CTBP2: variants seen among roughly 807,000 people sequenced by gnomAD.
CTBP2 encodes the protein C-terminal binding protein 2, also known as C-terminal-binding protein 2.
CTBP2 carries 30 observed loss-of-function variants against 80.3 expected under a neutral mutation model. The ratio of observed to expected loss-of-function variants is 0.37; its 90% CI spans 0.28 to 0.51. The LOEUF is 0.51. Ranked by LOEUF, CTBP2 falls within the 20% of genes least tolerant of loss-of-function variation. CTBP2 has a pLI of 0.93. For synonymous variants in CTBP2, 594 were observed against 587.4 expected (o/e 1.01, Z -0.16); for missense variants, 1,212 against 1,375.3 (o/e 0.88, Z 1.88).
Position 124,989,605 on chromosome 10 carries a change from G to A in CTBP2, c.2871C>T (p.Leu957=). 6.2e-7 allele frequency: 1 copy of A among 1,613,162 alleles called. No individual in the cohort carries two copies. Among genetic ancestry groups the A allele is most frequent in the Non-Finnish European group, 8.5e-7 (1 of 1,179,652 alleles). Residue 957 remains leucine (L), a synonymous_variant, in exon 9 of 9, where the codon CTC becomes CTT. Coordinates refer to ENST00000309035, the MANE Select transcript of CTBP2 (RefSeq NM_022802.3). ...CTTGGGAAGGATGTGCCACTGTCGG[G>A]AGGTTGTGAGTCACTGGGATGCCTC...
At chr10:125,092,793 T>C (rs560580921) in intron 2 of CTBP2, among the ~76,000 whole-genome samples, 1 of 152,228 alleles carries the variant, frequency 6.6e-6, no homozygotes, top group South Asian at 2.1e-4. Flanking sequence ...GGGCACTGGC[T>C]TACGTTTAGG....
In CTBP2 at chr10:125,120,167, G is replaced by C. The variant is rs529728613; in HGVS notation, c.-205-9074C>G. On this transcript the variant is annotated intron_variant, in intron 1 of 10. Coordinates refer to the CTBP2 transcript ENST00000337195. Reference sequence around the variant, plus strand: ...GATCTAGGACCCCGACTGATGCCGGGAAAGAGGCACAGCCAAAGCCTTGTC... The same window carrying C: ...GATCTAGGACCCCGACTGATGCCGGCAAAGAGGCACAGCCAAAGCCTTGTC... 2.0e-5 allele frequency among the ~76,000 whole-genome samples: 3 copies of C among 152,326 alleles called. No homozygotes were observed. In the East Asian group the frequency reaches 5.8e-4, roughly 29 times the overall value.
At chr10:125,030,339 A>G (rs751903330), upstream of CTBP2, among the ~76,000 whole-genome samples, 4 of 152,234 alleles carry the variant, frequency 2.6e-5, no homozygotes, top group Non-Finnish European at 4.4e-5. Flanking sequence ...TGTGTAACAT[A>G]GCTGTGTCGG....
At chr10:125,006,760 C>T (rs1455999151) in intron 1 of CTBP2, among the ~76,000 whole-genome samples, 1 of 152,234 alleles carries the variant, frequency 6.6e-6, no homozygotes, top group Admixed American at 6.5e-5. Flanking sequence ...GAACACGACC[C>T]TTTCAGGGAC....
intron 1 of CTBP2, among the ~76,000 whole-genome samples, chr10:125,142,835 C>T (rs577467125): frequency 3.6e-4 from 55 of 152,252 alleles, no homozygotes; most frequent in African/African-American, 1.3e-3. Flanking sequence ...AGCACATGCT[C>T]GCAGAGGCTG....
intron 1 of CTBP2, among the ~76,000 whole-genome samples, chr10:125,121,482 T>G (rs1408945376): frequency 1.3e-5 from 2 of 152,184 alleles, no homozygotes; most frequent in Non-Finnish European, 2.9e-5. Context: ...ATCCTTGCTG[T>G]GGAATGGAGC....
chr10:125,090,352 AATGT>A (rs1355855561), intron 2 of CTBP2, among the ~76,000 whole-genome samples: 2 of 148,834 alleles, frequency 1.3e-5, no homozygotes, highest in East Asian at 3.9e-4. Flanking sequence ...AAATGCAAAG[AATGT>A]ATCATAACTG....
intron 2 of CTBP2, among the ~76,000 whole-genome samples, chr10:125,108,179 G>T (rs117159161): frequency 2.0e-5 from 3 of 152,316 alleles, no homozygotes; most frequent in Admixed American, 2.0e-4. Context: ...AATTTAGCAC[G>T]TCACTATTCA....
intron 1 of CTBP2, among the ~76,000 whole-genome samples, chr10:125,159,637 C>T (rs1861595796): frequency 6.6e-6 from 1 of 150,388 alleles, no homozygotes; most frequent in South Asian, 2.1e-4. Context: ...GATCCCCCGC[C>T]GGCAGGGGCA....
At chr10:125,017,606 G>T (rs1331619799) in intron 1 of CTBP2, among the ~76,000 whole-genome samples, 1 of 152,196 alleles carries the variant, frequency 6.6e-6, no homozygotes, top group Non-Finnish European at 1.5e-5. Context: ...TATGACCAAA[G>T]AACATTTTAC....
chr10:125,081,162 AC>A lies in CTBP2; in HGVS notation c.-102+29827del, dbSNP rs1847117600. ...CCAATCAGGAAAAAACACAGGACAA[AC>A]TGAACTGAGGGCCATTCTACAAAAT... On this transcript the variant is annotated intron_variant, in intron 2 of 10. Transcript: ENST00000337195. Among the ~76,000 whole-genome samples, 3 of 152,312 alleles carry A rather than the reference AC, an allele frequency of 2.0e-5. No individual in the cohort carries two copies. The South Asian group carries it at 6.2e-4, about 32-fold the overall frequency.
At chr10:125,159,226 G>T (rs151071762) in intron 1 of CTBP2, among the ~76,000 whole-genome samples, 6,430 of 150,660 alleles carry the variant, frequency 0.043, 461 homozygotes, top group African/African-American at 0.15. Context: ...GGTCCCTGCC[G>T]CCCGGGGCGC....
intron 1 of CTBP2, among the ~76,000 whole-genome samples, chr10:125,117,287 G>A (rs1158431078): frequency 6.6e-6 from 1 of 152,162 alleles, no homozygotes; most frequent in Non-Finnish European, 1.5e-5. Context: ...AGTCCTGGGG[G>A]CTGCTGGGGG....
intron 1 of CTBP2, among the ~76,000 whole-genome samples, chr10:125,132,157 CCAATT>C (rs773182354): frequency 1.3e-5 from 2 of 152,174 alleles, no homozygotes; most frequent in Non-Finnish European, 2.9e-5. Flanking sequence ...ATTTCGTTGA[CCAATT>C]CAAAAGTCCA....
chr10:124,992,861 T>C, intron 7 of CTBP2, 49 bp from the exon 10 acceptor site: 1 of 1,410,242 alleles, frequency 7.1e-7, no homozygotes, highest in Non-Finnish European at 9.9e-7. Context: ...CAAATCACAG[T>C]AAGTTCAACA....
intron 1 of CTBP2, among the ~76,000 whole-genome samples, chr10:125,128,527 G>A (rs766961364): frequency 6.6e-6 from 1 of 152,164 alleles, no homozygotes; most frequent in East Asian, 1.9e-4. Flanking sequence ...CAGAGCATGT[G>A]AACTCCACAG....
At chr10:125,102,378 T>C (rs1850767190) in intron 2 of CTBP2, among the ~76,000 whole-genome samples, 1 of 152,240 alleles carries the variant, frequency 6.6e-6, no homozygotes, top group Non-Finnish European at 1.5e-5. Flanking sequence ...GTGACTGTTA[T>C]GATGCAATTC....
intron 2 of CTBP2, among the ~76,000 whole-genome samples, chr10:125,040,050 G>T (rs560012461): frequency 1.3e-5 from 2 of 152,128 alleles, no homozygotes; most frequent in Admixed American, 1.3e-4. Flanking sequence ...GGAAGCCTCT[G>T]ACTGTCACCA....
At chr10:125,035,725 T>A (rs11818446) in intron 3 of CTBP2, among the ~76,000 whole-genome samples, 1 of 152,164 alleles carries the variant, frequency 6.6e-6, no homozygotes, top group Non-Finnish European at 1.5e-5. Flanking sequence ...AACCAATAGA[T>A]GTTTGGGGCA....
Sources: gnomAD v4.1 joint callset for allele counts (sites outside exome capture counted in the v4.1 genomes callset) on GRCh38, gnomAD v4.1.1 for gene constraint, MANE v1.5 for transcripts, NCBI Gene and HGNC (gene_info 2026-07-23, HGNC 2026-07-21) for gene names.